The following ATP6V1C2 variants were observed in gnomAD, a reference collection of about 807,000 sequenced individuals.
ATP6V1C2 encodes ATPase H+ transporting V1 subunit C2, also known as V-type proton ATPase subunit C 2.
A neutral mutation model predicts 56.8 loss-of-function variants in ATP6V1C2; 45 were observed. The ratio of observed to expected loss-of-function variants is 0.79; its 90% confidence interval spans 0.62 to 1.02. ATP6V1C2 has a LOEUF of 1.02. ATP6V1C2 is among the 50% of genes least tolerant of loss of function. ATP6V1C2 has a pLI of 0.00. For missense variants in ATP6V1C2, 463 were observed against 519.7 expected, an observed-to-expected ratio of 0.89 and a Z score of 1.06; for synonymous variants, 220 against 201.3, an observed-to-expected ratio of 1.09 and a Z score of -0.79.
chr2:10,721,686 TCGCCCGC>T lies in ATP6V1C2; in HGVS notation c.-71_-65del, dbSNP rs1200268268. On this transcript the variant is annotated 5_prime_UTR_variant, in exon 1 of 14. Transcript: ENST00000272238. ...GCTCCGGCCCCGCACCCGCCGCCCG[TCGCCCGC>T]AGCCCCCTACCGCGCGGCCCGCGCC... 2.0e-5 allele frequency: 3 copies of T among 151,456 alleles called. No homozygotes were observed. The highest frequency in any genetic ancestry group is 2.0e-4 in the East Asian group (1 of 5,110). 9.4% of individuals were successfully genotyped at this position (151,456 alleles called of 1,614,324 possible).
intron 10 of ATP6V1C2, among the ~76,000 whole-genome samples, chr2:10,776,967 ATCTAGAAGTGCATGACCAAACG>A (rs1318691331): frequency 1.3e-5 from 2 of 152,174 alleles, no homozygotes; most frequent in South Asian, 2.1e-4. Context: ...CCTCTGGCCT[ATCTAGAAGTGCATGACCAAACG>A]TCTTGCATCC....
In ATP6V1C2 at chr2:10,760,364, C is replaced by T. The variant is rs1663839554; in HGVS notation, c.284-3967C>T. On this transcript the variant is annotated intron_variant, in intron 4 of 13. Transcript: ENST00000272238. The stretch of plus-strand genomic sequence containing the variant: ...CCAGCCTGGGCGACAGAACGAGATC[C>T]ATTTCAAAAAAAAAAATAGAAGGCC... 2.6e-5 allele frequency among the ~76,000 whole-genome samples: 4 copies of T among 151,210 alleles called. No homozygotes were observed. The South Asian group carries it at 8.3e-4, about 32-fold the overall frequency.
At chr2:10,773,915 C>T (rs970198749) in intron 8 of ATP6V1C2, among the ~76,000 whole-genome samples, 5 of 152,118 alleles carry the variant, frequency 3.3e-5, no homozygotes, top group South Asian at 2.1e-4. Context: ...AATCACAGCC[C>T]GAGGTTACAG....
chr2:10,764,437 G>A lies in ATP6V1C2; in HGVS notation c.378+12G>A. On this transcript the variant is annotated intron_variant, in intron 5 of 13. Transcript: ENST00000272238. ...ACACAATAGCCAAGGTGAGAAAAGG[G>A]ACTGCTCTGGGGAACAGCTGACTGG... The A allele has an allele frequency of 6.2e-7, 1 of 1,611,452 alleles. No homozygotes were observed. The highest frequency in any genetic ancestry group is 8.5e-7 in the Non-Finnish European group (1 of 1,177,670).
At chr2:10,740,744 T>G (rs1394915069) in intron 3 of ATP6V1C2, among the ~76,000 whole-genome samples, 1 of 152,218 alleles carries the variant, frequency 6.6e-6, no homozygotes, top group Non-Finnish European at 1.5e-5. Context: ...TGGAGTGCAG[T>G]GGCGCTGTGT....
At chr2:10,743,001 A>G (rs192570156) in intron 3 of ATP6V1C2, among the ~76,000 whole-genome samples, 20 of 151,820 alleles carry the variant, frequency 1.3e-4, no homozygotes, top group African/African-American at 4.4e-4. Flanking sequence ...ATCTTACCCA[A>G]TTTCTTCCCT....
chr2:10,733,526 G>A (rs898168092), intron 3 of ATP6V1C2, among the ~76,000 whole-genome samples: 2 of 151,962 alleles, frequency 1.3e-5, no homozygotes, highest in African/African-American at 4.8e-5. Context: ...TTTTGCTTAC[G>A]AGAGCTTTCT....
chr2:10,770,843 C>T (rs902130), intron 6 of ATP6V1C2, among the ~76,000 whole-genome samples: 63,053 of 152,130 alleles, frequency 0.41, 13,461 homozygotes, highest in East Asian at 0.64. Context: ...CCCTCAGGCC[C>T]GATGCTAGAC....
rs1372791702 is a variant in ATP6V1C2 at position 10,784,321 on chromosome 2, G to A, written c.*1058G>A. ...CACTGAGGTCAATGTCATCCTCCAC[G>A]GGAAGCTGGGAGACGACAGAAAGCC... is the stretch of plus-strand genomic sequence containing the variant. On this transcript the variant is annotated 3_prime_UTR_variant, in exon 14 of 14. Transcript: ENST00000272238. 2.1e-5 allele frequency: 34 copies of A among 1,612,146 alleles called. No individual in the cohort carries two copies. Among genetic ancestry groups the A allele is most frequent in the Non-Finnish European group, 2.8e-5 (33 of 1,179,416 alleles).
intron 2 of ATP6V1C2, among the ~76,000 whole-genome samples, chr2:10,725,924 A>G (rs12619522): frequency 0.41 from 62,435 of 151,250 alleles, 14,488 homozygotes; most frequent in Non-Finnish European, 0.53. Flanking sequence ...TACTAAAAAT[A>G]AAAAATTAGC....
intron 5 of ATP6V1C2, among the ~76,000 whole-genome samples, chr2:10,766,725 C>G (rs1664243897): frequency 6.6e-6 from 1 of 152,058 alleles, no homozygotes; most frequent in Non-Finnish European, 1.5e-5. Flanking sequence ...TAGGACAGTA[C>G]AGTGTAGTCA....
intron 3 of ATP6V1C2, among the ~76,000 whole-genome samples, chr2:10,743,140 A>G (rs919536605): frequency 2.6e-5 from 4 of 152,148 alleles, no homozygotes; most frequent in Admixed American, 2.0e-4. Context: ...TTTTTGAAAC[A>G]GGGTCTCACT....
upstream of ATP6V1C2, chr2:10,721,077 C>T (rs1032706678): frequency 6.6e-6 from 1 of 152,006 alleles, no homozygotes; most frequent in Non-Finnish European, 1.5e-5. Flanking sequence ...GTTTCCTGGG[C>T]AACCGGGCGC....
chr2:10,753,003 A>AC (rs1253695670), intron 3 of ATP6V1C2, among the ~76,000 whole-genome samples: 4 of 152,186 alleles, frequency 2.6e-5, no homozygotes, highest in Non-Finnish European at 5.9e-5. Context: ...CTCCAAAAAA[A>AC]GAACAAAAGA....
chr2:10,769,057 G>C (rs369840875), intron 6 of ATP6V1C2, among the ~76,000 whole-genome samples: 131 of 152,224 alleles, frequency 8.6e-4, no homozygotes, highest in African/African-American at 2.9e-3. Flanking sequence ...GCTCCTCACC[G>C]CACGCTTCCA....
At chr2:10,772,169 C>A (rs1664656914) in intron 7 of ATP6V1C2, among the ~76,000 whole-genome samples, 1 of 152,164 alleles carries the variant, frequency 6.6e-6, no homozygotes, top group African/African-American at 2.4e-5. Context: ...TGCTATATAC[C>A]CAATGTGTGG....
At position 10,763,656 on chromosome 2, in the gene ATP6V1C2, A is replaced by T. The variant is rs1037389505; in HGVS notation, c.284-675A>T. On this transcript the variant is annotated intron_variant, in intron 4 of 13. Transcript: ENST00000272238. This position sits in a 1 kb window ranked among gnomAD's most constrained non-coding sequence, Gnocchi z 4.2. ...CTTCCAGGGAATTTCCCGCTCTTCC[A>T]TAGACCCGGCGTATTAAAAGAGGTC... Among the ~76,000 whole-genome samples, 3 of 152,204 alleles carry T rather than the reference A, an allele frequency of 2.0e-5. No individual in the cohort carries two copies. Among genetic ancestry groups the T allele is most frequent in the Non-Finnish European group, 4.4e-5 (3 of 68,030 alleles).
At chr2:10,744,651 G>T (rs540952022) in intron 3 of ATP6V1C2, among the ~76,000 whole-genome samples, 23 of 146,792 alleles carry the variant, frequency 1.6e-4, no homozygotes, top group South Asian at 8.8e-4. Flanking sequence ...TGCTTGATGG[G>T]TTTTTTTTTC....
intron 6 of ATP6V1C2, among the ~76,000 whole-genome samples, chr2:10,769,604 T>G (rs1361017113): frequency 6.6e-6 from 1 of 152,172 alleles, no homozygotes; most frequent in Non-Finnish European, 1.5e-5. Flanking sequence ...CTTGGGAGGC[T>G]GAGGCACGAG....
Sources: gnomAD v4.1 joint callset for allele counts (sites outside exome capture counted in the v4.1 genomes callset) on GRCh38, gnomAD v4.1.1 for gene constraint, Gnocchi (gnomAD v3.1) non-coding constraint, MANE v1.5 for transcripts, NCBI Gene and HGNC (gene_info 2026-07-23, HGNC 2026-07-21) for gene names.